TTC7B: variants seen among roughly 807,000 people sequenced by gnomAD.
The protein encoded by TTC7B is tetratricopeptide repeat protein 7B.
A neutral mutation model predicts 106.8 loss-of-function variants in TTC7B; 28 were observed. The observed-to-expected ratio is 0.26, with a 90% CI of 0.19 to 0.36. TTC7B has a LOEUF of 0.36. Among genes scored for constraint, TTC7B ranks in the 10% least tolerant of loss-of-function variants. The pLI, the probability that TTC7B is intolerant of heterozygous loss-of-function variation, is 1.00. For missense variants in TTC7B, 862 were observed against 1,076.4 expected, an observed-to-expected ratio of 0.80 and a Z score of 2.79; for synonymous variants, 405 against 430.6, an observed-to-expected ratio of 0.94 and a Z score of 0.74.
chr14:90,794,062 C>A (rs1439742628), intron 1 of TTC7B, among the ~76,000 whole-genome samples: 6 of 151,746 alleles, frequency 4.0e-5, no homozygotes, highest in African/African-American at 1.5e-4. Context: ...GCCACCATAC[C>A]TGGCTAGTTT....
At position 90,650,196 on chromosome 14, in the gene TTC7B, C is replaced by T. The variant is rs141417601; in HGVS notation, c.1517+2645G>A. Among the ~76,000 whole-genome samples, 342 of 152,274 alleles carry T rather than the reference C, an allele frequency of 2.2e-3. 1 individual carries two copies. The highest frequency in any genetic ancestry group is 7.8e-3 in the African/African-American group (323 of 41,550). On this transcript the variant is annotated intron_variant, in intron 13 of 19. Transcript: ENST00000328459. ...TAGTAACTACAATTTGTGAAGTTAT[C>T]GACTATTACGCTTCTTGTCCAAGAA...
rs534398029 is a variant in TTC7B at position 90,559,730 on chromosome 14, G to A, written c.2311-18141C>T. On this transcript the variant is annotated intron_variant, in intron 19 of 19. Transcript: ENST00000328459. ...AAGGCACAGAAGACTAACAGCTGCCGGGTACATCCTATATGCTGGGCAGGT... is the reference window on the plus strand; with the variant it reads ...AAGGCACAGAAGACTAACAGCTGCCAGGTACATCCTATATGCTGGGCAGGT... Among the ~76,000 whole-genome samples, 122 of 152,330 alleles carry A rather than the reference G, an allele frequency of 8.0e-4. 1 individual carries two copies. The highest frequency in any genetic ancestry group is 2.7e-3 in the African/African-American group (114 of 41,564).
chr14:90,548,324 G>T (rs1263086004), intron 19 of TTC7B, among the ~76,000 whole-genome samples: 2 of 152,206 alleles, frequency 1.3e-5, no homozygotes, highest in African/African-American at 4.8e-5. Context: ...TCTGCTCCTG[G>T]GTCAGAAACT....
rs1405635475 is a variant in TTC7B at position 90,526,198 on chromosome 14, C to T, written c.*15170G>A. 1 of 152,120 alleles carries T rather than the reference C, an allele frequency of 6.6e-6. No individual in the cohort carries two copies. Among genetic ancestry groups the T allele is most frequent in the Non-Finnish European group, 1.5e-5 (1 of 68,016 alleles). The allele number at this position is 152,120 out of a possible 1,614,324, so 9.4% of individuals were successfully genotyped here. ...CGTCCTCACAAACATTTGTTATTGT[C>T]TGTCTTTTTGATTATAGACATCCTA... On this transcript the variant is annotated 3_prime_UTR_variant, in exon 20 of 20. Coordinates refer to ENST00000328459, the MANE Select transcript of TTC7B (RefSeq NM_001010854.2).
intron 19 of TTC7B, among the ~76,000 whole-genome samples, chr14:90,576,121 AT>A (rs1891254824): frequency 1.3e-5 from 2 of 152,254 alleles, no homozygotes; most frequent in South Asian, 4.1e-4. Context: ...CGATTTTCCT[AT>A]TTGATCTTTT....
At chr14:90,719,794 C>A (rs1011014981) in intron 5 of TTC7B, among the ~76,000 whole-genome samples, 2 of 152,174 alleles carry the variant, frequency 1.3e-5, no homozygotes, top group African/African-American at 2.4e-5. Context: ...TTCACTAAAC[C>A]TAACAAATTC....
At position 90,533,694 on chromosome 14, in the gene TTC7B, A is replaced by G. The variant is rs571269205; in HGVS notation, c.*7674T>C. 2 of 152,278 alleles carry G rather than the reference A, an allele frequency of 1.3e-5. No individual in the cohort carries two copies. Among genetic ancestry groups the G allele is most frequent in the African/African-American group, 2.4e-5 (1 of 41,458 alleles). 9.4% of individuals were successfully genotyped at this position (152,278 alleles called of 1,614,324 possible). A position where few individuals can be genotyped will look rare whatever the true frequency, so the allele number is the denominator to read the frequency against. ...ACCCACAGCCCAGTGGTCACCAGGAAACCCTATTGTCCTCAGGGGGTCAAG... is the reference window on the plus strand; with the variant it reads ...ACCCACAGCCCAGTGGTCACCAGGAGACCCTATTGTCCTCAGGGGGTCAAG... On this transcript the variant is annotated 3_prime_UTR_variant, in exon 20 of 20. Transcript: ENST00000328459.
chr14:90,554,394 C>T (rs1042558808), intron 19 of TTC7B, among the ~76,000 whole-genome samples: 4 of 152,194 alleles, frequency 2.6e-5, no homozygotes, highest in African/African-American at 4.8e-5. Context: ...AGAGCACGGA[C>T]GTGAGTAAGG....
intron 3 of TTC7B, among the ~76,000 whole-genome samples, chr14:90,750,291 G>A (rs1475127898): frequency 6.6e-6 from 1 of 152,132 alleles, no homozygotes; most frequent in Non-Finnish European, 1.5e-5. Flanking sequence ...TGATATCAGG[G>A]ATTTAATATT....
In TTC7B at chr14:90,579,912, A is replaced by G. The variant is rs561583990; in HGVS notation, c.2108-1604T>C. Among the ~76,000 whole-genome samples the G allele has an allele frequency of 1.1e-3, 165 of 152,356 alleles. 1 individual carries two copies. The highest frequency in any genetic ancestry group is 3.8e-3 in the African/African-American group (157 of 41,588). On this transcript the variant is annotated intron_variant, in intron 18 of 19. Transcript: ENST00000328459. ...GGAGCCCACTTTGGAAACTGCCTCAATTATGCAGAGACTCCCCTCCCTGCC... is the reference window on the plus strand; with the variant it reads ...GGAGCCCACTTTGGAAACTGCCTCAGTTATGCAGAGACTCCCCTCCCTGCC...
At chr14:90,631,282 C>G (rs1456999203) in intron 15 of TTC7B, among the ~76,000 whole-genome samples, 9 of 152,162 alleles carry the variant, frequency 5.9e-5, no homozygotes, top group Non-Finnish European at 1.3e-4. Flanking sequence ...GTGTATAGAT[C>G]TGTTCAAGTC....
chr14:90,711,246 T>TA (rs1420384750), intron 5 of TTC7B, among the ~76,000 whole-genome samples: 1 of 152,214 alleles, frequency 6.6e-6, no homozygotes, highest in East Asian at 1.9e-4. Context: ...TTAATATCTT[T>TA]AAAAAATAAC....
chr14:90,532,470 T>C lies in TTC7B; in HGVS notation c.*8898A>G, dbSNP rs1889309980. On this transcript the variant is annotated 3_prime_UTR_variant, in exon 20 of 20. Coordinates refer to ENST00000328459, the MANE Select transcript of TTC7B (RefSeq NM_001010854.2). Reference sequence around the variant, plus strand: ...GGTACAAAGTGGCAGAACCTGACGCTTTTGGGCTTCTGCTCACCATCCCTC... The same window carrying C: ...GGTACAAAGTGGCAGAACCTGACGCCTTTGGGCTTCTGCTCACCATCCCTC... 6.6e-6 allele frequency: 1 copy of C among 152,170 alleles called. No homozygotes were observed. Among genetic ancestry groups the C allele is most frequent in the African/African-American group, 2.4e-5 (1 of 41,442 alleles). 9.4% of individuals were successfully genotyped at this position (152,170 alleles called of 1,614,324 possible). A position where few individuals can be genotyped will look rare whatever the true frequency, so the allele number is the denominator to read the frequency against.
At chr14:90,744,643 AC>A (rs538945889) in intron 4 of TTC7B, 148 bp downstream of exon 4, 2 of 822,472 alleles carry the variant, frequency 2.4e-6, no homozygotes, top group Non-Finnish European at 3.8e-6. Flanking sequence ...AGCAATCACT[AC>A]CACACTCTCC....
rs1024559125 is a variant in TTC7B, at chr14:90,624,933, A to G, written c.1752-6888T>C. On this transcript the variant is annotated intron_variant, in intron 15 of 19. Transcript: ENST00000328459. This position sits in a 1 kb window ranked among gnomAD's most constrained non-coding sequence, Gnocchi z 4.0. ...TACTGAATGCAGGCAGGAATGCAAA[A>G]TGGCTGTGCAGAAAAGCATGCGGGA... 2.0e-5 allele frequency among the ~76,000 whole-genome samples: 3 copies of G among 152,196 alleles called. No individual in the cohort carries two copies. The highest frequency in any genetic ancestry group is 1.3e-4 in the Admixed American group (2 of 15,272).
intron 16 of TTC7B, among the ~76,000 whole-genome samples, chr14:90,611,842 A>G (rs1227159910): frequency 6.6e-6 from 1 of 152,188 alleles, no homozygotes; most frequent in East Asian, 1.9e-4. Flanking sequence ...TTATTCCTGT[A>G]TCGTGATATC....
intron 5 of TTC7B, among the ~76,000 whole-genome samples, chr14:90,717,516 C>T (rs1292561144): frequency 1.3e-5 from 2 of 151,882 alleles, no homozygotes; most frequent in African/African-American, 4.8e-5. Flanking sequence ...ATTTATATCC[C>T]CTCTCATTTT....
At chr14:90,598,297 C>T (rs554540446) in intron 17 of TTC7B, among the ~76,000 whole-genome samples, 4 of 152,318 alleles carry the variant, frequency 2.6e-5, no homozygotes, top group South Asian at 2.1e-4. Context: ...CGTCCTGGAG[C>T]GGAGGCCATC....
rs528347376 is a variant in TTC7B, at chr14:90,676,441, A to C, written c.1152+82T>G. ...TGCCACTAATAGAGGGGGGCCCAGG[A>C]CCAGGTCTCACAGCGCTTCCCTGGG... On this transcript the variant is annotated intron_variant, in intron 9 of 19. Transcript: ENST00000328459. 4.0e-6 allele frequency: 6 copies of C among 1,518,490 alleles called. No homozygotes were observed. The East Asian group carries it at 1.1e-4, about 29-fold the overall frequency. The allele number at this position is 1,518,490 out of a possible 1,614,324, so 94.1% of individuals were successfully genotyped here. A position where few individuals can be genotyped will look rare whatever the true frequency, so the allele number is the denominator to read the frequency against.
Sources: allele counts gnomAD v4.1 joint callset (sites outside exome capture counted in the v4.1 genomes callset), GRCh38; gene constraint gnomAD v4.1.1; non-coding constraint Gnocchi (gnomAD v3.1); transcripts MANE v1.5; gene names NCBI Gene and HGNC (gene_info 2026-07-23, HGNC 2026-07-21).